The following KRTAP2-2 variants were observed in gnomAD, a reference collection of about 807,000 sequenced individuals.
KRTAP2-2 encodes the protein putative keratin-associated protein ENSP00000381495.
In KRTAP2-2, 3 loss-of-function variants were observed where a neutral mutation model predicts 10.2. The ratio of observed to expected loss-of-function variants is 0.29; its 90% CI spans 0.13 to 0.76. KRTAP2-2 has a LOEUF of 0.76. KRTAP2-2 is among the 30% of genes least tolerant of loss of function. The probability of loss-of-function intolerance (pLI) is 0.67; values close to 1 mark genes in which losing one functional copy is unlikely to be tolerated. For missense variants in KRTAP2-2, 54 were observed against 163.6 expected (o/e 0.33, Z 3.65); for synonymous variants, 20 against 70.8 (o/e 0.28, Z 3.60).
exon 1 of KRTAP2-2, chr17:41,055,141 C>T (rs1567919493): frequency 2.2e-6 from 3 of 1,365,086 alleles, no homozygotes; most frequent in Non-Finnish European, 1.9e-6. Flanking sequence ...GTCGCGGCAG[C>T]AGCAGGGCTG....
exon 1 of KRTAP2-2, chr17:41,055,030 G>A: frequency 1.8e-6 from 2 of 1,110,446 alleles, no homozygotes; most frequent in South Asian, 1.5e-5. Flanking sequence ...GCAGCACACC[G>A]GGCGGCGGCA....
chr17:41,054,537 A>G, exon 1 of KRTAP2-2: 3 of 658,638 alleles, frequency 4.6e-6, no homozygotes, highest in Non-Finnish European at 7.6e-6. Context: ...GAAAGCAGAC[A>G]ACATGATATA....
exon 1 of KRTAP2-2, chr17:41,054,698 A>G: frequency 6.5e-7 from 1 of 1,534,162 alleles, no homozygotes; most frequent in African/African-American, 1.4e-5. Flanking sequence ...CCTGAGGGGC[A>G]GCGGGATGGA....
exon 1 of KRTAP2-2, chr17:41,054,543 A>T: frequency 1.5e-6 from 1 of 673,616 alleles, no homozygotes; most frequent in South Asian, 2.0e-5. Flanking sequence ...AGACAACATG[A>T]TATAGGAGTT....
exon 1 of KRTAP2-2, chr17:41,054,740 A>T (rs936989412): frequency 6.5e-7 from 1 of 1,540,600 alleles, no homozygotes; most frequent in African/African-American, 1.4e-5. Flanking sequence ...CCTTCGTGAT[A>T]ACGGGCTGCT....
exon 1 of KRTAP2-2, chr17:41,054,629 A>G: frequency 5.1e-6 from 7 of 1,380,208 alleles, no homozygotes; most frequent in Non-Finnish European, 6.8e-6. Flanking sequence ...AGTGTGAGCT[A>G]GTATGAAGAG....
exon 1 of KRTAP2-2, chr17:41,055,095 G>A (rs1172028373): frequency 6.9e-6 from 9 of 1,301,324 alleles, no homozygotes; most frequent in African/African-American, 3.2e-5. Context: ...GGCGGCACAC[G>A]GTGGTCTGGC....
In KRTAP2-2 at chr17:41,054,621, T is replaced by C; in HGVS notation, c.*219A>G. The C allele has an allele frequency of 1.5e-6, 2 of 1,344,084 alleles. 1 individual carries two copies. Among genetic ancestry groups the C allele is most frequent in the South Asian group, 2.9e-5 (2 of 69,996 alleles). 83.3% of individuals were successfully genotyped at this position (1,344,084 alleles called of 1,614,324 possible). On this transcript the variant is annotated 3_prime_UTR_variant, in exon 1 of 1. Transcript: ENST00000398477. ...CTGAAAAGGTGTCTTCAATGCATAGTGTGAGCTAGTATGAAGAGATGAGAA... is the reference window on the plus strand; with the variant it reads ...CTGAAAAGGTGTCTTCAATGCATAGCGTGAGCTAGTATGAAGAGATGAGAA...
exon 1 of KRTAP2-2, chr17:41,054,703 G>A: frequency 1.3e-6 from 2 of 1,535,532 alleles, no homozygotes; most frequent in Non-Finnish European, 1.7e-6. Flanking sequence ...GGGGCAGCGG[G>A]ATGGACCTGG....
rs772058866 is a variant in KRTAP2-2 at position 41,055,102 on chromosome 17, T to C, written c.110A>G (p.Gln37Arg). 3.1e-6 allele frequency: 4 copies of C among 1,301,292 alleles called. No individual in the cohort carries two copies. In the African/African-American group the frequency reaches 6.4e-5, roughly 21 times the overall value. 80.6% of individuals were successfully genotyped at this position (1,301,292 alleles called of 1,614,324 possible). Residue 37 changes from glutamine (Q) to arginine (R), a missense_variant, in exon 1 of 1, where the codon CAG becomes CGG. Physicochemically the swap from Gln to Arg is conservative, Grantham distance 43. Coordinates refer to ENST00000398477, the Ensembl canonical transcript of KRTAP2-2. ...GGTCACGGGGCGGCACACGGTGGTC[T>C]GGCAGGTCACGGGGCGGCAGCAGCA... is the stretch of plus-strand genomic sequence containing the variant.
exon 1 of KRTAP2-2, chr17:41,054,647 A>G: frequency 1.4e-6 from 2 of 1,459,390 alleles, no homozygotes; most frequent in East Asian, 2.5e-5. Flanking sequence ...GAGATGAGAA[A>G]TGGGCTTCTC....
chr17:41,054,623 T>G (rs2143799815), exon 1 of KRTAP2-2: 457 of 1,352,194 alleles, frequency 3.4e-4, no homozygotes, highest in Non-Finnish European at 4.2e-4. Context: ...ATGCATAGTG[T>G]GAGCTAGTAT....
chr17:41,054,748 G>A, exon 1 of KRTAP2-2: 2 of 1,540,874 alleles, frequency 1.3e-6, no homozygotes, highest in East Asian at 2.4e-5. Context: ...ATAACGGGCT[G>A]CTCAGCAGGA....
At position 41,054,670 on chromosome 17, in the gene KRTAP2-2, A is replaced by G. The variant is rs574138811; in HGVS notation, c.*170T>C. 20 of 1,516,374 alleles carry G rather than the reference A, an allele frequency of 1.3e-5. 2 individuals are homozygous for G. The South Asian group carries it at 2.0e-4, about 15-fold the overall frequency. 93.9% of individuals were successfully genotyped at this position (1,516,374 alleles called of 1,614,324 possible). ...AAATGGGCTTCTCAAGGAAACGTGTATTGCTCTGCGGTGAAGCCCTGAGGG... is the reference window on the plus strand; with the variant it reads ...AAATGGGCTTCTCAAGGAAACGTGTGTTGCTCTGCGGTGAAGCCCTGAGGG... On this transcript the variant is annotated 3_prime_UTR_variant, in exon 1 of 1. Transcript: ENST00000398477.
chr17:41,054,648 TG>T, exon 1 of KRTAP2-2: 1 of 1,459,810 alleles, frequency 6.9e-7, no homozygotes, highest in East Asian at 2.5e-5. Flanking sequence ...AGATGAGAAA[TG>T]GGCTTCTCAA....
chr17:41,055,018 T>A (rs1207908014), exon 1 of KRTAP2-2: 1 of 1,091,572 alleles, frequency 9.2e-7, no homozygotes, highest in Non-Finnish European at 1.3e-6. Flanking sequence ...GGAGCAGGGG[T>A]CGCAGCACAC....
chr17:41,055,221 T>C lies in KRTAP2-2; in HGVS notation c.-10A>G, dbSNP rs2143801281. On this transcript the variant is annotated 5_prime_UTR_variant, in exon 1 of 1. Coordinates refer to ENST00000398477, the Ensembl canonical transcript of KRTAP2-2. ...AGCAGGAGCCGGTCATGGTGGTGTC[T>C]GAGGCTGGTGTGGGTTGGGCTGTGG... The C allele has an allele frequency of 2.9e-6, 4 of 1,397,316 alleles. No individual in the cohort carries two copies. In the South Asian group the frequency reaches 6.0e-5, roughly 21 times the overall value. 86.6% of individuals were successfully genotyped at this position (1,397,316 alleles called of 1,614,324 possible).
At chr17:41,054,660 G>A in exon 1 of KRTAP2-2, 1 of 1,499,478 alleles carries the variant, frequency 6.7e-7, no homozygotes, top group South Asian at 1.3e-5. Flanking sequence ...GGCTTCTCAA[G>A]GAAACGTGTA....
At position 41,054,538 on chromosome 17, in the gene KRTAP2-2, A is replaced by G; in HGVS notation, c.*302T>C. 6.0e-6 allele frequency: 4 copies of G among 661,940 alleles called. 1 individual carries two copies. The South Asian group carries it at 8.3e-5, about 14-fold the overall frequency. The allele number at this position is 661,940 out of a possible 1,614,324, so 41.0% of individuals were successfully genotyped here. The stretch of plus-strand genomic sequence containing the variant: ...TATTGAGTTTATTAGAAAGCAGACA[A>G]CATGATATAGGAGTTAGACTGGAGT... On this transcript the variant is annotated 3_prime_UTR_variant, in exon 1 of 1. Transcript: ENST00000398477.
Sources: allele counts gnomAD v4.1 joint callset, GRCh38; gene constraint gnomAD v4.1.1; transcripts MANE v1.5; gene names NCBI Gene and HGNC (gene_info 2026-07-23, HGNC 2026-07-21).